Variants in GRM8 observed in about 807,000 individuals in gnomAD.
The protein encoded by GRM8 is glutamate metabotropic receptor 8.
GRM8 carries 47 observed loss-of-function variants against 87.2 expected under a neutral mutation model. The observed-to-expected ratio is 0.54, with a 90% CI of 0.43 to 0.69. The LOEUF is 0.69. Among genes scored for constraint, GRM8 ranks in the 30% least tolerant of loss-of-function variants. The probability of loss-of-function intolerance (pLI) is 0.00; values close to 1 mark genes in which losing one functional copy is unlikely to be tolerated. For synonymous variants in GRM8, 396 were observed against 404.5 expected (o/e 0.98, Z 0.25); for missense variants, 1,019 against 1,139.2 (o/e 0.89, Z 1.52).
chr7:126,701,862 T>C (rs1288493543), intron 7 of GRM8: 9 of 825,096 alleles, frequency 1.1e-5, no homozygotes, highest in African/African-American at 1.8e-5. Context: ...ATAGTGATTA[T>C]AATGAGTTAA....
At chr7:126,852,017 G>A (rs776526115) in intron 6 of GRM8, among the ~76,000 whole-genome samples, 28 of 152,162 alleles carry the variant, frequency 1.8e-4, no homozygotes, top group Non-Finnish European at 3.5e-4. Flanking sequence ...TGAGGAGGAT[G>A]GCTGCCTGGC....
At chr7:126,927,524 G>GA (rs1415728923) in intron 3 of GRM8, among the ~76,000 whole-genome samples, 1 of 151,380 alleles carries the variant, frequency 6.6e-6, no homozygotes, top group East Asian at 1.9e-4. Flanking sequence ...AAATTTAAAA[G>GA]AAAAAAACAA....
chr7:126,873,199 A>G (rs1465546727), intron 6 of GRM8, among the ~76,000 whole-genome samples: 1 of 152,148 alleles, frequency 6.6e-6, no homozygotes, highest in African/African-American at 2.4e-5. Flanking sequence ...AGTACATTCA[A>G]TGTGGCTTTC....
intron 3 of GRM8, among the ~76,000 whole-genome samples, chr7:127,075,557 T>C (rs1822170520): frequency 6.6e-6 from 1 of 152,160 alleles, no homozygotes; most frequent in Non-Finnish European, 1.5e-5. Context: ...AAATCAGGAA[T>C]AAATAAGGAC....
intron 3 of GRM8, among the ~76,000 whole-genome samples, chr7:126,904,921 G>C (rs1340735483): frequency 1.3e-5 from 2 of 152,060 alleles, no homozygotes; most frequent in African/African-American, 4.8e-5. Context: ...TTATTTTTGT[G>C]GATATAGCTA....
At chr7:126,582,327 T>C (rs900505653) in intron 8 of GRM8, among the ~76,000 whole-genome samples, 2 of 152,154 alleles carry the variant, frequency 1.3e-5, no homozygotes, top group African/African-American at 4.8e-5. Flanking sequence ...AAGGTCCTAA[T>C]TCTTTTAAGT....
At chr7:126,635,511 A>C (rs986715705) in intron 7 of GRM8, among the ~76,000 whole-genome samples, 3 of 152,128 alleles carry the variant, frequency 2.0e-5, no homozygotes, top group African/African-American at 7.2e-5. Flanking sequence ...TAATGCAGTT[A>C]TTTGTTCCTG....
chr7:126,979,008 AT>A lies in GRM8; in HGVS notation c.728-74326del, dbSNP rs559052062. Among the ~76,000 whole-genome samples, 265 of 152,356 alleles carry A rather than the reference AT, an allele frequency of 1.7e-3. 1 individual carries two copies. Among genetic ancestry groups the A allele is most frequent in the African/African-American group, 6.2e-3 (259 of 41,590 alleles). On this transcript the variant is annotated intron_variant, in intron 3 of 10. Coordinates refer to ENST00000339582, the MANE Select transcript of GRM8 (RefSeq NM_000845.3). ...TGCTAAATATAATAGTCTGTCTGGC[AT>A]TCTTCCTTTGTGAGAAATCCTTATT...
intron 3 of GRM8, among the ~76,000 whole-genome samples, chr7:126,980,815 G>A (rs537779023): frequency 1.3e-5 from 2 of 152,134 alleles, no homozygotes; most frequent in South Asian, 2.1e-4. Flanking sequence ...CTCCCCAAAA[G>A]GTTTATTGTC....
intron 7 of GRM8, among the ~76,000 whole-genome samples, chr7:126,698,203 G>T (rs561028158): frequency 2.6e-5 from 4 of 152,074 alleles, no homozygotes; most frequent in Non-Finnish European, 5.9e-5. Context: ...ATACTCTGGT[G>T]AAACCCTCAC....
At chr7:127,038,058 T>C (rs890550324) in intron 3 of GRM8, among the ~76,000 whole-genome samples, 4 of 152,198 alleles carry the variant, frequency 2.6e-5, no homozygotes, top group Non-Finnish European at 5.9e-5. Flanking sequence ...CTACCACTAA[T>C]TTTTATTATA....
chr7:127,091,352 C>G (rs912857203), intron 3 of GRM8, among the ~76,000 whole-genome samples: 8 of 150,506 alleles, frequency 5.3e-5, no homozygotes, highest in Non-Finnish European at 1.2e-4. Flanking sequence ...GATCATTCCC[C>G]TCAACCATCC....
At chr7:126,706,959 C>T (rs1413770341) in intron 7 of GRM8, among the ~76,000 whole-genome samples, 6 of 152,074 alleles carry the variant, frequency 3.9e-5, no homozygotes, top group African/African-American at 1.4e-4. Flanking sequence ...TACCTGGCCA[C>T]CTTATAGCTG....
chr7:127,150,654 A>C (rs897762414), intron 2 of GRM8, among the ~76,000 whole-genome samples: 4 of 152,132 alleles, frequency 2.6e-5, no homozygotes, highest in Non-Finnish European at 1.5e-5. Flanking sequence ...TAAAAGTCAC[A>C]TCCCAAACAC....
At chr7:126,727,604 A>C (rs1449315988) in intron 7 of GRM8, among the ~76,000 whole-genome samples, 1 of 152,090 alleles carries the variant, frequency 6.6e-6, no homozygotes, top group Non-Finnish European at 1.5e-5. Flanking sequence ...AGTAAGCCTA[A>C]TTCCAGGATC....
At position 126,440,652 on chromosome 7, in the gene GRM8, A is replaced by G. The variant is rs566982355; in HGVS notation, c.2678-1484T>C. Among the ~76,000 whole-genome samples, 6 of 152,198 alleles carry G rather than the reference A, an allele frequency of 3.9e-5. No homozygotes were observed. The South Asian group carries it at 8.3e-4, about 21-fold the overall frequency. On this transcript the variant is annotated intron_variant, in intron 10 of 10. Coordinates refer to ENST00000339582, the MANE Select transcript of GRM8 (RefSeq NM_000845.3). ...TCATTGCATTACAACTGTGTACACAATTCAGGACAGTAACATGCTGTACAG... is the reference window on the plus strand; with the variant it reads ...TCATTGCATTACAACTGTGTACACAGTTCAGGACAGTAACATGCTGTACAG...
chr7:126,491,459 G>T (rs1427695483), intron 9 of GRM8, among the ~76,000 whole-genome samples: 2 of 152,040 alleles, frequency 1.3e-5, no homozygotes, highest in Non-Finnish European at 2.9e-5. Context: ...CTTTTTCAAA[G>T]AACTTCAGTT....
rs147786502 is a variant in GRM8 at position 127,099,737 on chromosome 7, C to A, written c.727+6759G>T. On this transcript the variant is annotated intron_variant, in intron 3 of 10. Coordinates refer to ENST00000339582, the MANE Select transcript of GRM8 (RefSeq NM_000845.3). The stretch of plus-strand genomic sequence containing the variant: ...CCTCCTAGCCCAAATCCCATCCCTA[C>A]CACTGGAAGCTAACCTTCTGAGTAT... Among the ~76,000 whole-genome samples, 544 of 152,268 alleles carry A rather than the reference C, an allele frequency of 3.6e-3. 4 individuals are homozygous for A. The highest frequency in any genetic ancestry group is 0.013 in the African/African-American group (521 of 41,546).
chr7:127,202,454 A>C (rs549850519), intron 2 of GRM8, among the ~76,000 whole-genome samples: 27 of 152,230 alleles, frequency 1.8e-4, no homozygotes, highest in Admixed American at 4.6e-4. Flanking sequence ...CTGGGATTAC[A>C]GGCATGAGCC....
Sources: allele counts gnomAD v4.1 joint callset (sites outside exome capture counted in the v4.1 genomes callset), GRCh38; gene constraint gnomAD v4.1.1; transcripts MANE v1.5; gene names NCBI Gene and HGNC (gene_info 2026-07-23, HGNC 2026-07-21).